The following MAP3K5 variants were observed in gnomAD, a reference collection of about 807,000 sequenced individuals.
MAP3K5 encodes ASK-1.
MAP3K5 carries 56 observed loss-of-function variants against 158.7 expected under a neutral mutation model. The observed-to-expected ratio is 0.35, with a 90% confidence interval of 0.28 to 0.44. The LOEUF is 0.44. Ranked by LOEUF, MAP3K5 falls within the 20% of genes least tolerant of loss-of-function variation. The pLI, the probability that MAP3K5 is intolerant of heterozygous loss-of-function variation, is 1.00. For synonymous variants in MAP3K5, 579 were observed against 601.7 expected, an observed-to-expected ratio of 0.96 and a Z score of 0.55; for missense variants, 1,294 against 1,674.8, an observed-to-expected ratio of 0.77 and a Z score of 3.97.
At chr6:136,677,250 G>A (rs1419709103) in intron 7 of MAP3K5, among the ~76,000 whole-genome samples, 4 of 143,028 alleles carry the variant, frequency 2.8e-5, no homozygotes, top group Non-Finnish European at 6.0e-5. Context: ...CCATTCTCCT[G>A]CCTCAGCCTC....
chr6:136,584,380 A>C (rs559355595), intron 23 of MAP3K5: 1 of 153,566 alleles, frequency 6.5e-6, no homozygotes, highest in African/African-American at 2.4e-5. Flanking sequence ...TTTACAAAAG[A>C]AAGAGGTTTA....
At chr6:136,562,422 A>G (rs1830554655) in intron 27 of MAP3K5, 81 bp downstream of exon 27, 1 of 632,646 alleles carries the variant, frequency 1.6e-6, no homozygotes, top group South Asian at 2.9e-5. Flanking sequence ...CTTAGCCACA[A>G]ATAAAACTTC....
At chr6:136,682,904 A>G (rs1779994670) in intron 7 of MAP3K5, among the ~76,000 whole-genome samples, 1 of 152,206 alleles carries the variant, frequency 6.6e-6, no homozygotes, top group African/African-American at 2.4e-5. Context: ...ATTTTCCCTC[A>G]TTAGCTAAAA....
Position 136,792,332 on chromosome 6 carries a change from G to A in MAP3K5, c.-175C>T, listed in dbSNP as rs1408020956. On this transcript the variant is annotated 5_prime_UTR_variant, in exon 1 of 30. Transcript: ENST00000359015. The surrounding 1 kb of genome is among the most constrained non-coding windows in gnomAD (Gnocchi z 5.7). Reference sequence around the variant, plus strand: ...GCGCCCTCTCCCCCGAGGGCACGCCGCTGCCCGGCGGCGGCTCGCTCCTCC... The same window carrying A: ...GCGCCCTCTCCCCCGAGGGCACGCCACTGCCCGGCGGCGGCTCGCTCCTCC... 2 of 1,011,694 alleles carry A rather than the reference G, an allele frequency of 2.0e-6. No individual in the cohort carries two copies. Among genetic ancestry groups the A allele is most frequent in the South Asian group, 4.5e-5 (1 of 22,258 alleles). 62.7% of individuals were successfully genotyped at this position (1,011,694 alleles called of 1,614,324 possible).
chr6:136,792,750 T>A (rs541155863), upstream of MAP3K5, among the ~76,000 whole-genome samples: 2 of 152,256 alleles, frequency 1.3e-5, no homozygotes, highest in African/African-American at 4.8e-5. This position sits in a 1 kb window ranked among gnomAD's most constrained non-coding sequence, Gnocchi z 5.7. Flanking sequence ...TCGGGTGGAT[T>A]TCCTCCTCCT....
At chr6:136,617,465 C>T (rs1424480231) in intron 15 of MAP3K5, among the ~76,000 whole-genome samples, 1 of 152,232 alleles carries the variant, frequency 6.6e-6, no homozygotes, top group Non-Finnish European at 1.5e-5. Flanking sequence ...CAAATCCCTA[C>T]TGCTAACCAT....
chr6:136,668,017 C>T (rs1308932790), intron 8 of MAP3K5, among the ~76,000 whole-genome samples: 2 of 152,042 alleles, frequency 1.3e-5, no homozygotes, highest in Non-Finnish European at 1.5e-5. Flanking sequence ...CATAAAGATA[C>T]AAGCTCTTCC....
chr6:136,726,633 G>A (rs969042046), intron 1 of MAP3K5, among the ~76,000 whole-genome samples: 13 of 151,856 alleles, frequency 8.6e-5, no homozygotes, highest in African/African-American at 3.1e-4. Flanking sequence ...ACTTACTTAG[G>A]CCGTCGTTTT....
intron 18 of MAP3K5, among the ~76,000 whole-genome samples, chr6:136,608,407 C>G (rs1469668356): frequency 2.0e-5 from 3 of 151,998 alleles, no homozygotes; most frequent in East Asian, 1.9e-4. Flanking sequence ...GGGAAGCCAC[C>G]GAAAATGCAG....
intron 21 of MAP3K5, among the ~76,000 whole-genome samples, chr6:136,599,747 T>C (rs111414742): frequency 6.5e-4 from 99 of 152,260 alleles, no homozygotes; most frequent in African/African-American, 2.3e-3. Context: ...AATATGCATG[T>C]CCCATATTTA....
chr6:136,724,332 T>C (rs1224603711), intron 1 of MAP3K5, among the ~76,000 whole-genome samples: 1 of 147,548 alleles, frequency 6.8e-6, no homozygotes, highest in Admixed American at 6.9e-5. Context: ...CACTGCAACC[T>C]CCACCACCCG....
At chr6:136,633,322 C>T (rs1777462268) in intron 14 of MAP3K5, among the ~76,000 whole-genome samples, 1 of 151,750 alleles carries the variant, frequency 6.6e-6, no homozygotes, top group African/African-American at 2.4e-5. Context: ...CTGCTTGAAC[C>T]CGGGGGTGGA....
chr6:136,599,177 G>T (rs74755447), intron 21 of MAP3K5, among the ~76,000 whole-genome samples: 3 of 148,634 alleles, frequency 2.0e-5, no homozygotes, highest in Non-Finnish European at 3.0e-5. Context: ...AAGGGGGGGG[G>T]GGCGTGGATT....
At chr6:136,648,595 C>T (rs187158607) in intron 11 of MAP3K5, among the ~76,000 whole-genome samples, 5 of 152,250 alleles carry the variant, frequency 3.3e-5, no homozygotes, top group Admixed American at 2.0e-4. Context: ...CAAGACTTAA[C>T]GTGACCAACT....
chr6:136,720,477 A>C lies in MAP3K5; in HGVS notation c.561T>G (p.Thr187=). ...MANNIILYCD[T]NSDSLQSLKE... ...TCAGTGACTGCAGAGAGTCCGAGTT[A>C]GTATCACAGTAGAGGATGATGTTGT... The change falls in exon 2 of 30, where the codon ACT becomes ACG. Residue 187 remains threonine, a synonymous_variant. Transcript: ENST00000359015. 1.2e-6 allele frequency: 2 copies of C among 1,611,390 alleles called. No homozygotes were observed. Among genetic ancestry groups the C allele is most frequent in the Non-Finnish European group, 1.7e-6 (2 of 1,178,616 alleles).
At chr6:136,773,831 A>G (rs1486327222) in intron 1 of MAP3K5, among the ~76,000 whole-genome samples, 1 of 151,988 alleles carries the variant, frequency 6.6e-6, no homozygotes, top group Non-Finnish European at 1.5e-5. Flanking sequence ...TATTTTTAGT[A>G]AAGATGGGGT....
chr6:136,686,749 A>C (rs564939611), intron 7 of MAP3K5, among the ~76,000 whole-genome samples: 1 of 152,338 alleles, frequency 6.6e-6, no homozygotes, highest in South Asian at 2.1e-4. Context: ...GAGAACTACA[A>C]ACCACTGCTC....
chr6:136,664,764 C>T (rs569361656), intron 8 of MAP3K5, among the ~76,000 whole-genome samples: 21 of 152,288 alleles, frequency 1.4e-4, no homozygotes, highest in Admixed American at 4.6e-4. Flanking sequence ...AATCCTGTCT[C>T]TACTAAAACT....
At chr6:136,784,856 T>A (rs1784774005) in intron 1 of MAP3K5, among the ~76,000 whole-genome samples, 1 of 152,158 alleles carries the variant, frequency 6.6e-6, no homozygotes, top group Non-Finnish European at 1.5e-5. Context: ...TTTTAAGAAA[T>A]CATGGCAATA....
Sources: gnomAD v4.1 joint callset for allele counts (sites outside exome capture counted in the v4.1 genomes callset) on GRCh38, gnomAD v4.1.1 for gene constraint, Gnocchi (gnomAD v3.1) non-coding constraint, MANE v1.5 for transcripts, NCBI Gene and HGNC (gene_info 2026-07-23, HGNC 2026-07-21) for gene names.